Variants in KCNJ18 observed in about 807,000 individuals in gnomAD.
KCNJ18 encodes the protein inward rectifier potassium channel 18.
KCNJ18 carries 16 observed loss-of-function variants against 17.3 expected under a neutral mutation model. The observed-to-expected ratio is 0.92, with a 90% CI of 0.62 to 1.40. The LOEUF (loss-of-function observed/expected upper bound fraction) is 1.40, where lower values mean the gene tolerates loss of function less well. Among genes scored for constraint, KCNJ18 ranks in the 40% most tolerant of loss-of-function variants. The pLI, the probability that KCNJ18 is intolerant of heterozygous loss-of-function variation, is 0.00. For synonymous variants in KCNJ18, 185 were observed against 262.6 expected, an observed-to-expected ratio of 0.70 and a Z score of 2.86; for missense variants, 462 against 626.8, an observed-to-expected ratio of 0.74 and a Z score of 2.81.
At position 21,703,017 on chromosome 17, in the gene KCNJ18, C is replaced by A; in HGVS notation, c.231C>A (p.Asp77Glu). The A allele has an allele frequency of 6.2e-7, 1 of 1,612,482 alleles. No individual in the cohort carries two copies. Among genetic ancestry groups the A allele is most frequent in the Non-Finnish European group, 8.5e-7 (1 of 1,179,594 alleles). ...CTGACATGTTCACCACCTGTGTGGA[C>A]ATCCGCTGGCGCTACATGCTGCTCA... Reference protein sequence around the residue: ...YLADMFTTCVDIRWRYMLLIF... With the variant: ...YLADMFTTCVEIRWRYMLLIF... Residue 77 changes from aspartate (D) to glutamate (E), a missense_variant, in exon 3 of 3, where the codon GAC (aspartate) becomes GAA (glutamate). Transcript: ENST00000567955.
At chr17:21,697,563 A>G (rs1905799400) in intron 2 of KCNJ18, among the ~76,000 whole-genome samples, 2 of 152,264 alleles carry the variant, frequency 1.3e-5, no homozygotes, top group African/African-American at 2.4e-5. Flanking sequence ...CAGGGTGCCC[A>G]GCACGTCTTT....
rs1300797582 is a variant in KCNJ18 at position 21,704,491 on chromosome 17, CT to C, written c.*406del. On this transcript the variant is annotated 3_prime_UTR_variant, in exon 3 of 3. Transcript: ENST00000567955. ...CTTGGGGAGAAACACCGGGTTTCAG[CT>C]TTCTCGACCTTAGCTTGGGTGAGAC... 1 of 200,394 alleles carries C rather than the reference CT, an allele frequency of 5.0e-6. No homozygotes were observed. The highest frequency in any genetic ancestry group is 1.1e-5 in the Non-Finnish European group (1 of 91,208). 12.4% of individuals were successfully genotyped at this position (200,394 alleles called of 1,614,324 possible). A position where few individuals can be genotyped will look rare whatever the true frequency, so the allele number is the denominator to read the frequency against.
Position 21,703,284 on chromosome 17 carries a change from C to A in KCNJ18, c.498C>A (p.Ser166=), listed in dbSNP as rs1906036123. The A allele has an allele frequency of 5.6e-6, 9 of 1,608,368 alleles. No individual in the cohort carries two copies. The highest frequency in any genetic ancestry group is 7.6e-6 in the Non-Finnish European group (9 of 1,176,950). The part of the protein sequence containing the change: ...LVAVFMVVAQ[S]IVGCIIDSFM... ...CCGTCTTCATGGTGGTGGCCCAGTC[C>A]ATCGTGGGCTGCATCATCGACTCCT... Residue 166 remains serine (S), a synonymous_variant, in exon 3 of 3, where the codon TCC becomes TCA. Transcript: ENST00000567955.
Position 21,693,255 on chromosome 17 carries a change from C to T in KCNJ18, c.-179+541C>T, listed in dbSNP as rs1905656540. 6.6e-5 allele frequency among the ~76,000 whole-genome samples: 10 copies of T among 152,412 alleles called. No individual in the cohort carries two copies. The South Asian group carries it at 1.9e-3, about 28-fold the overall frequency. On this transcript the variant is annotated intron_variant, in intron 1 of 2. Coordinates refer to ENST00000567955, the MANE Select transcript of KCNJ18 (RefSeq NM_001194958.2). ...AGGGTGCTGCCCTGCCCTGTGACTT[C>T]AGGAAATTCGCTTCTCTGCTCTACG...
chr17:21,699,797 T>A, intron 2 of KCNJ18, among the ~76,000 whole-genome samples: 1 of 152,426 alleles, frequency 6.6e-6, no homozygotes, highest in Middle Eastern at 3.4e-3. Context: ...GGCAGCACCC[T>A]CACCAGTCTG....
At chr17:21,702,176 T>G (rs1423667541) in intron 2 of KCNJ18, among the ~76,000 whole-genome samples, 1 of 151,910 alleles carries the variant, frequency 6.6e-6, no homozygotes, top group African/African-American at 2.4e-5. Flanking sequence ...AGGGTGGGTT[T>G]GAGGGACAGC....
chr17:21,692,883 A>G lies in KCNJ18; in HGVS notation c.-179+169A>G, dbSNP rs1597753469. 3.3e-5 allele frequency among the ~76,000 whole-genome samples: 5 copies of G among 152,418 alleles called. No individual in the cohort carries two copies. The South Asian group carries it at 1.0e-3, about 32-fold the overall frequency. ...GTCACCACCTTCAATTTCATGGCAC[A>G]CCCTCTGAGAGGCCTGGCAGGCGAC... On this transcript the variant is annotated intron_variant, in intron 1 of 2. Coordinates refer to ENST00000567955, the MANE Select transcript of KCNJ18 (RefSeq NM_001194958.2).
chr17:21,702,467 G>A (rs1410588276), intron 2 of KCNJ18, among the ~76,000 whole-genome samples: 7 of 152,174 alleles, frequency 4.6e-5, no homozygotes, highest in Admixed American at 2.0e-4. Context: ...AGAAGGGGTC[G>A]GATCCTAAAT....
chr17:21,702,795 G>T lies in KCNJ18; in HGVS notation c.9G>T (p.Ala3=). 3 of 1,576,864 alleles carry T rather than the reference G, an allele frequency of 1.9e-6. No homozygotes were observed. The highest frequency in any genetic ancestry group is 1.4e-5 in the African/African-American group (1 of 71,514). MT[A]ASRANPYSIV... ...GTCCCCCAACCCCCGGGATGACCGC[G>T]GCCAGCCGGGCCAACCCCTACAGCA... The change falls in exon 3 of 3, where the codon GCG becomes GCT. Residue 3 remains alanine (A), a synonymous_variant. Transcript: ENST00000567955.
intron 2 of KCNJ18, among the ~76,000 whole-genome samples, chr17:21,697,886 G>A (rs1282013759): frequency 6.6e-6 from 1 of 152,312 alleles, no homozygotes; most frequent in African/African-American, 2.4e-5. Flanking sequence ...CTCTGTGGCT[G>A]AGGAATGGTG....
chr17:21,694,465 A>G (rs1394792084), intron 1 of KCNJ18, among the ~76,000 whole-genome samples: 2 of 152,136 alleles, frequency 1.3e-5, no homozygotes, highest in East Asian at 1.9e-4. Context: ...ATGTGTGCCC[A>G]TCCATGTAGT....
At chr17:21,700,268 G>T (rs1432132281) in intron 2 of KCNJ18, among the ~76,000 whole-genome samples, 1 of 145,720 alleles carries the variant, frequency 6.9e-6, no homozygotes, top group African/African-American at 2.5e-5. Context: ...CCCATGGTGG[G>T]GGACGGCGCT....
At chr17:21,695,159 T>A (rs1441589212) in intron 1 of KCNJ18, among the ~76,000 whole-genome samples, 3 of 151,812 alleles carry the variant, frequency 2.0e-5, no homozygotes, top group Non-Finnish European at 2.9e-5. Flanking sequence ...ACTTTCACAC[T>A]TATCCATCCA....
chr17:21,702,855 C>A lies in KCNJ18; in HGVS notation c.69C>A (p.Val23=). 4 of 1,600,442 alleles carry A rather than the reference C, an allele frequency of 2.5e-6. No homozygotes were observed. Among genetic ancestry groups the A allele is most frequent in the East Asian group, 4.5e-5 (2 of 44,362 alleles). The change falls in exon 3 of 3, where the codon GTC becomes GTA. Residue 23 remains valine, a synonymous_variant. Transcript: ENST00000567955. ...TGGAGGAGGACGGGCTGCACCTGGT[C>A]ACCATGTCGGGCGCCAACGGCTTCG... ...VSLEEDGLHL[V]TMSGANGFGN...
chr17:21,703,344 G>C lies in KCNJ18; in HGVS notation c.558G>C (p.Arg186Ser). Reference protein sequence around the residue: ...MIGAIMAKMARPKKRAQTLLF... With the variant: ...MIGAIMAKMASPKKRAQTLLF... ...GTGCCATCATGGCCAAGATGGCAAG[G>C]CCCAAGAAGCGGGCACAGACGCTGC... is the stretch of plus-strand genomic sequence containing the variant. The change falls in exon 3 of 3, where the codon AGG (arginine) becomes AGC (serine). Residue 186 changes from arginine to serine, a missense_variant. By Grantham distance (110) the Arg-to-Ser change is moderately radical (BLOSUM62 -1). Transcript: ENST00000567955. 6.2e-7 allele frequency: 1 copy of C among 1,606,476 alleles called. No homozygotes were observed. The highest frequency in any genetic ancestry group is 1.1e-5 in the South Asian group (1 of 90,638).
chr17:21,694,355 CA>C (rs1362786722), intron 1 of KCNJ18, among the ~76,000 whole-genome samples: 3 of 151,762 alleles, frequency 2.0e-5, no homozygotes, highest in African/African-American at 4.8e-5. Flanking sequence ...GATAGGAAGG[CA>C]GGGGGATCCC....
chr17:21,698,719 C>A (rs1347326195), intron 2 of KCNJ18, among the ~76,000 whole-genome samples: 1 of 152,124 alleles, frequency 6.6e-6, no homozygotes, highest in Non-Finnish European at 1.5e-5. Context: ...GGTCACGTGG[C>A]AGCTGCCGTC....
Position 21,703,036 on chromosome 17 carries a change from C to T in KCNJ18, c.250C>T (p.Leu84=). ...TGTGGACATCCGCTGGCGCTACATG[C>T]TGCTCATCTTCTCGCTGGCCTTCCT... ...TCVDIRWRYM[L]LIFSLAFLAS... Residue 84 remains leucine, a synonymous_variant, in exon 3 of 3, where the codon CTG becomes TTG. Coordinates refer to ENST00000567955, the MANE Select transcript of KCNJ18 (RefSeq NM_001194958.2). 1.2e-6 allele frequency: 2 copies of T among 1,613,308 alleles called. No individual in the cohort carries two copies. Among genetic ancestry groups the T allele is most frequent in the Non-Finnish European group, 8.5e-7 (1 of 1,179,878 alleles).
chr17:21,694,446 A>G (rs1331593678), intron 1 of KCNJ18, among the ~76,000 whole-genome samples: 176 of 152,204 alleles, frequency 1.2e-3, no homozygotes, highest in Middle Eastern at 6.8e-3. Flanking sequence ...AATCTCTGGC[A>G]AATTACTGAT....
Sources: allele counts gnomAD v4.1 joint callset (sites outside exome capture counted in the v4.1 genomes callset), GRCh38; gene constraint gnomAD v4.1.1; transcripts MANE v1.5; gene names NCBI Gene and HGNC (gene_info 2026-07-23, HGNC 2026-07-21).